Variants in SMARCAL1 observed in about 807,000 individuals in gnomAD.
SMARCAL1 encodes the protein ATP-driven annealing helicase.
SMARCAL1 carries 58 observed loss-of-function variants against 94.5 expected under a neutral mutation model. The observed-to-expected ratio is 0.61, with a 90% CI of 0.50 to 0.76. The LOEUF (loss-of-function observed/expected upper bound fraction) is 0.76. Among genes scored for constraint, SMARCAL1 ranks in the 30% least tolerant of loss-of-function variants. The pLI, the probability that SMARCAL1 is intolerant of heterozygous loss-of-function variation, is 0.00. For missense variants in SMARCAL1, 1,051 were observed against 1,177.9 expected (o/e 0.89, Z 1.58); for synonymous variants, 422 against 455.1 (o/e 0.93, Z 0.93).
intron 8 of SMARCAL1, among the ~76,000 whole-genome samples, chr2:216,433,375 C>T (rs889285109): frequency 1.3e-5 from 2 of 152,090 alleles, no homozygotes; most frequent in Middle Eastern, 3.4e-3. Context: ...CCACTGTGCC[C>T]GGCCCACACT....
chr2:216,429,909 C>T (rs1693927193), intron 7 of SMARCAL1, among the ~76,000 whole-genome samples: 1 of 152,202 alleles, frequency 6.6e-6, no homozygotes, highest in East Asian at 1.9e-4. Flanking sequence ...GTGAGATGTC[C>T]TTTGGGCCTT....
In SMARCAL1 at chr2:216,475,910, C is replaced by T. The variant is rs1394106620; in HGVS notation, c.2427+459C>T. On this transcript the variant is annotated intron_variant, in intron 15 of 17. Coordinates refer to ENST00000357276, the MANE Select transcript of SMARCAL1 (RefSeq NM_014140.4). The surrounding 1 kb of genome is among the most constrained non-coding windows in gnomAD (Gnocchi z 4.4). Reference sequence around the variant, plus strand: ...GTCTCATAGGAGGAAGTTAGGGCACCGAGAGCTCAAGGGGTGAGGCAGGAC... The same window carrying T: ...GTCTCATAGGAGGAAGTTAGGGCACTGAGAGCTCAAGGGGTGAGGCAGGAC... Among the ~76,000 whole-genome samples, 4 of 152,086 alleles carry T rather than the reference C, an allele frequency of 2.6e-5. No individual in the cohort carries two copies. In the South Asian group the frequency reaches 8.3e-4, roughly 32 times the overall value.
At chr2:216,425,947 C>T (rs1209062019) in intron 6 of SMARCAL1, among the ~76,000 whole-genome samples, 1 of 152,180 alleles carries the variant, frequency 6.6e-6, no homozygotes, top group African/African-American at 2.4e-5. Context: ...CACTGTGGAC[C>T]CACCCCTGTC....
intron 10 of SMARCAL1, among the ~76,000 whole-genome samples, chr2:216,442,948 T>G (rs189083192): frequency 6.6e-6 from 1 of 152,300 alleles, no homozygotes; most frequent in Non-Finnish European, 1.5e-5. Flanking sequence ...TTCCCTAGTG[T>G]GATGAGGCTA....
At chr2:216,436,362 C>T (rs1180351932) in intron 9 of SMARCAL1, among the ~76,000 whole-genome samples, 5 of 152,218 alleles carry the variant, frequency 3.3e-5, no homozygotes, top group Admixed American at 3.3e-4. Context: ...TAACTCCTCA[C>T]ATACTTCCTA....
intron 7 of SMARCAL1, among the ~76,000 whole-genome samples, chr2:216,431,487 G>T (rs1292966779): frequency 6.6e-6 from 1 of 152,186 alleles, no homozygotes; most frequent in African/African-American, 2.4e-5. Context: ...TTTACTGTTT[G>T]TGTTTTGATT....
intron 12 of SMARCAL1, among the ~76,000 whole-genome samples, chr2:216,455,321 A>T (rs536702460): frequency 9.8e-5 from 15 of 152,334 alleles, no homozygotes; most frequent in African/African-American, 3.4e-4. Context: ...GCAGACTTAA[A>T]TGTCCCTGTC....
chr2:216,451,368 T>C (rs901264710), intron 12 of SMARCAL1: 1 of 403,034 alleles, frequency 2.5e-6, no homozygotes, highest in Non-Finnish European at 4.7e-6. Context: ...ATGTGGAAAT[T>C]ATGTCTACTA....
intron 12 of SMARCAL1, among the ~76,000 whole-genome samples, chr2:216,463,093 T>C (rs964427031): frequency 2.6e-5 from 4 of 152,190 alleles, no homozygotes; most frequent in African/African-American, 9.6e-5. Context: ...TCCTGAGTTA[T>C]CAAGATCTCA....
intron 14 of SMARCAL1, among the ~76,000 whole-genome samples, 155 bp downstream of exon 14, chr2:216,468,201 G>A (rs1398526519): frequency 6.6e-6 from 1 of 152,196 alleles, no homozygotes; most frequent in Admixed American, 6.5e-5. Context: ...TAGAACCACA[G>A]TGGGGTCAAA....
At chr2:216,423,507 A>G (rs1693768532) in intron 5 of SMARCAL1, 126 bp from the exon 6 acceptor site, 3 of 802,934 alleles carry the variant, frequency 3.7e-6, no homozygotes, top group East Asian at 2.5e-5. Context: ...TGCTAGGTAC[A>G]GGACCAGCTG....
chr2:216,448,770 T>G (rs914097544), intron 11 of SMARCAL1, among the ~76,000 whole-genome samples: 2 of 151,888 alleles, frequency 1.3e-5, no homozygotes, highest in Admixed American at 1.3e-4. Flanking sequence ...AGGCAGAGGT[T>G]GTAGTGAGCC....
chr2:216,464,047 A>G (rs545501999), intron 12 of SMARCAL1, among the ~76,000 whole-genome samples: 9 of 152,378 alleles, frequency 5.9e-5, no homozygotes, highest in African/African-American at 2.2e-4. Context: ...TTGTCTCAAA[A>G]AAATAAAAAA....
chr2:216,468,161 G>A, intron 14 of SMARCAL1, 115 bp downstream of exon 14: 1 of 732,020 alleles, frequency 1.4e-6, no homozygotes, highest in Non-Finnish European at 2.5e-6. Flanking sequence ...AAGCATTGCT[G>A]AAGACTTTCT....
In SMARCAL1 at chr2:216,482,044, A is replaced by T. The variant is rs1274228035; in HGVS notation, c.2626-694A>T. 6.6e-6 allele frequency among the ~76,000 whole-genome samples: 1 copy of T among 152,174 alleles called. No individual in the cohort carries two copies. The highest frequency in any genetic ancestry group is 1.5e-5 in the Non-Finnish European group (1 of 68,040). On this transcript the variant is annotated intron_variant, in intron 17 of 17. Transcript: ENST00000357276. The surrounding 1 kb of genome is among the most constrained non-coding windows in gnomAD (Gnocchi z 4.3). The stretch of plus-strand genomic sequence containing the variant: ...TTGGTGGGTATTTTGATTATTTGTA[A>T]TTTAAGGTAATCAGAATAGGTACAC...
chr2:216,463,781 G>T (rs1694763388), intron 12 of SMARCAL1, among the ~76,000 whole-genome samples: 1 of 152,194 alleles, frequency 6.6e-6, no homozygotes, highest in South Asian at 2.1e-4. Flanking sequence ...GGTGACTCAT[G>T]CCTGTAATCC....
intron 4 of SMARCAL1, among the ~76,000 whole-genome samples, chr2:216,416,890 C>A (rs1693614763): frequency 6.6e-6 from 1 of 152,240 alleles, no homozygotes. Flanking sequence ...AGTGTCTGGT[C>A]ATAGTCAGCA....
intron 15 of SMARCAL1, among the ~76,000 whole-genome samples, chr2:216,476,843 C>T (rs1030326347): frequency 6.6e-6 from 1 of 152,246 alleles, no homozygotes; most frequent in Non-Finnish European, 1.5e-5. Flanking sequence ...GTGCCCAGCA[C>T]TGAACAGCCA....
chr2:216,445,023 CAGAA>C (rs1376749762), intron 10 of SMARCAL1, among the ~76,000 whole-genome samples: 4 of 152,210 alleles, frequency 2.6e-5, no homozygotes, highest in African/African-American at 9.6e-5. Flanking sequence ...TAACACCACA[CAGAA>C]AGTATTTTTT....
Sources: gnomAD v4.1 joint callset for allele counts (sites outside exome capture counted in the v4.1 genomes callset) on GRCh38, gnomAD v4.1.1 for gene constraint, Gnocchi (gnomAD v3.1) non-coding constraint, MANE v1.5 for transcripts, NCBI Gene and HGNC (gene_info 2026-07-23, HGNC 2026-07-21) for gene names.